The following ENTREP2 variants were observed in gnomAD, a reference collection of about 807,000 sequenced individuals.
The protein encoded by ENTREP2 is endosomal transmembrane epsin interactor 2.
the ENTREP2 span, among the ~76,000 whole-genome samples, chr15:29,393,516 C>T: frequency 6.6e-6 from 1 of 152,164 alleles, no homozygotes; most frequent in Non-Finnish European, 1.5e-5. Context: ...GCCACTCTGG[C>T]CTCAGTTCAT....
the ENTREP2 span, among the ~76,000 whole-genome samples, chr15:29,170,549 C>T: frequency 3.3e-5 from 5 of 151,958 alleles, no homozygotes; most frequent in African/African-American, 1.2e-4. Flanking sequence ...CTTATAAATC[C>T]AATGGAATTC....
At chr15:29,422,472 A>G in the ENTREP2 span, among the ~76,000 whole-genome samples, 6 of 152,174 alleles carry the variant, frequency 3.9e-5, no homozygotes, top group African/African-American at 4.8e-5. Context: ...GGACTTGAAT[A>G]AAGAGAACGG....
At chr15:29,475,868 G>A in the ENTREP2 span, among the ~76,000 whole-genome samples, 8 of 152,294 alleles carry the variant, frequency 5.3e-5, no homozygotes, top group Non-Finnish European at 8.8e-5. Flanking sequence ...ACGGAAGGGC[G>A]AGCTGACCCA....
chr15:29,296,841 A>G, the ENTREP2 span, among the ~76,000 whole-genome samples: 3 of 152,200 alleles, frequency 2.0e-5, no homozygotes. Flanking sequence ...TCTCAGCTCT[A>G]GAGTAAGGGT....
chr15:29,652,642 TC>T, the ENTREP2 span, among the ~76,000 whole-genome samples: 5 of 151,740 alleles, frequency 3.3e-5, no homozygotes, highest in East Asian at 7.8e-4. Flanking sequence ...ACTACTGCAT[TC>T]CCCCCAGGGC....
chr15:29,184,236 C>T, the ENTREP2 span, among the ~76,000 whole-genome samples: 17 of 152,220 alleles, frequency 1.1e-4, no homozygotes, highest in Admixed American at 2.0e-4. Context: ...CCGCCGGCCT[C>T]GGCCTCCCAA....
chr15:29,557,731 T>C, the ENTREP2 span, among the ~76,000 whole-genome samples: 2 of 152,200 alleles, frequency 1.3e-5, no homozygotes, highest in East Asian at 3.9e-4. Flanking sequence ...AAATACCTAG[T>C]GGGACCTTGT....
chr15:29,335,397 A>T, the ENTREP2 span, among the ~76,000 whole-genome samples: 2 of 152,246 alleles, frequency 1.3e-5, no homozygotes, highest in Admixed American at 6.5e-5. Flanking sequence ...GAAGTCATCC[A>T]GTACAACACG....
the ENTREP2 span, among the ~76,000 whole-genome samples, chr15:29,396,250 C>T: frequency 2.0e-5 from 3 of 152,122 alleles, no homozygotes; most frequent in Admixed American, 2.0e-4. Flanking sequence ...CTTTGACCAA[C>T]ATCTCCCCTT....
At chr15:29,287,734 T>A in the ENTREP2 span, among the ~76,000 whole-genome samples, 2 of 152,210 alleles carry the variant, frequency 1.3e-5, no homozygotes, top group East Asian at 3.8e-4. Context: ...TCCAGCAGGG[T>A]TTCTTTATAC....
the ENTREP2 span, among the ~76,000 whole-genome samples, chr15:29,280,904 C>T: frequency 6.6e-6 from 1 of 151,998 alleles, no homozygotes; most frequent in Admixed American, 6.6e-5. Context: ...TTTATTAATC[C>T]CACACGTTTG....
the ENTREP2 span, among the ~76,000 whole-genome samples, chr15:29,435,740 C>A: frequency 9.5e-3 from 1,430 of 151,288 alleles, 34 homozygotes; most frequent in African/African-American, 0.033. Flanking sequence ...TATACACACA[C>A]AAAATGTAAA....
chr15:29,554,028 A>C, the ENTREP2 span, among the ~76,000 whole-genome samples: 2 of 152,136 alleles, frequency 1.3e-5, no homozygotes, highest in East Asian at 3.9e-4. Context: ...AAAAGGAAGG[A>C]AGGGGGCCGT....
chr15:29,501,181 G>C, the ENTREP2 span, among the ~76,000 whole-genome samples: 3 of 152,006 alleles, frequency 2.0e-5, no homozygotes, highest in Admixed American at 1.3e-4. Context: ...AGAAGAGAAG[G>C]GAATACTTCG....
chr15:29,512,963 G>GCT, the ENTREP2 span, among the ~76,000 whole-genome samples: 3 of 152,152 alleles, frequency 2.0e-5, no homozygotes, highest in African/African-American at 7.2e-5. Context: ...TTGTATAAAT[G>GCT]CTATGGGGAA....
At chr15:29,351,684 C>T in the ENTREP2 span, among the ~76,000 whole-genome samples, 1 of 152,140 alleles carries the variant, frequency 6.6e-6, no homozygotes, top group Admixed American at 6.5e-5. Context: ...ACTCTGTCAT[C>T]CAGGCTGGAG....
At chr15:29,616,633 A>G in the ENTREP2 span, among the ~76,000 whole-genome samples, 2 of 152,212 alleles carry the variant, frequency 1.3e-5, no homozygotes, top group East Asian at 3.8e-4. Flanking sequence ...TGCTTTAAGT[A>G]TAACAAAAAG....
the ENTREP2 span, among the ~76,000 whole-genome samples, chr15:29,532,750 C>A: frequency 6.6e-6 from 1 of 152,134 alleles, no homozygotes; most frequent in African/African-American, 2.4e-5. Flanking sequence ...GGAGAGACTG[C>A]CAATAGAATT....
chr15:29,659,438 T>C, the ENTREP2 span, among the ~76,000 whole-genome samples: 1 of 152,018 alleles, frequency 6.6e-6, no homozygotes, highest in African/African-American at 2.4e-5. Flanking sequence ...GCCATTGCCC[T>C]CCAGCCTAGG....
Sources: gnomAD v4.1 joint callset for allele counts (sites outside exome capture counted in the v4.1 genomes callset) on GRCh38, gnomAD v4.1.1 for gene constraint, MANE v1.5 for transcripts, NCBI Gene and HGNC (gene_info 2026-07-23, HGNC 2026-07-21) for gene names.